The following CAMK2G variants were observed in gnomAD, a reference collection of about 807,000 sequenced individuals.
CAMK2G encodes the protein calcium/calmodulin dependent protein kinase II gamma, also known as calcium/calmodulin-dependent protein kinase type II subunit gamma.
Under a neutral mutation model 88.7 loss-of-function variants are expected in CAMK2G, and 23 were observed. That is an observed-to-expected ratio of 0.26 (90% CI 0.19 to 0.37). CAMK2G has a LOEUF of 0.37. Ranked by LOEUF, CAMK2G falls within the 10% of genes least tolerant of loss-of-function variation. The pLI is 1.00. For missense variants in CAMK2G, 476 were observed against 780.8 expected, an observed-to-expected ratio of 0.61 and a Z score of 4.65; for synonymous variants, 263 against 294.8, an observed-to-expected ratio of 0.89 and a Z score of 1.11.
At chr10:73,869,562 GCAAC>G (rs1173806500) in intron 2 of CAMK2G, among the ~76,000 whole-genome samples, 1 of 152,166 alleles carries the variant, frequency 6.6e-6, no homozygotes, top group Non-Finnish European at 1.5e-5. Context: ...AAGCCAAAAG[GCAAC>G]CATGATTGGT....
At chr10:73,821,092 G>C (rs998694044) in intron 18 of CAMK2G, among the ~76,000 whole-genome samples, 3 of 151,980 alleles carry the variant, frequency 2.0e-5, no homozygotes, top group Non-Finnish European at 4.4e-5. Context: ...TTACAGGTGT[G>C]AGTCACCGCA....
Position 73,815,138 on chromosome 10 carries a change from G to A in CAMK2G, c.1644C>T (p.Ile548=), listed in dbSNP as rs750527569. Residue 548 remains isoleucine, a synonymous_variant, in exon 22 of 23, where the codon ATC becomes ATT. Coordinates refer to ENST00000423381, the MANE Select transcript of CAMK2G (RefSeq NM_001367534.1). ...CIAYIRLTQY[I]DGQGRPRTSQ... is the part of the protein sequence containing the mutation. ...TGGTGCGAGGCCGACCCTGCCCGTC[G>A]ATGTACTGGGTGAGGCGGATGTAGG... 23 of 1,614,092 alleles carry A rather than the reference G, an allele frequency of 1.4e-5. No homozygotes were observed. In the Admixed American group the frequency reaches 1.7e-4, roughly 12 times the overall value.
At chr10:73,829,299 T>TTTAC (rs1362013485) in intron 14 of CAMK2G, among the ~76,000 whole-genome samples, 1 of 150,878 alleles carries the variant, frequency 6.6e-6, no homozygotes, top group African/African-American at 2.4e-5. Context: ...TATTTATTTA[T>TTTAC]TTATTTATTT....
Position 73,837,455 on chromosome 10 carries a change from T to G in CAMK2G, c.1053+13A>C. The stretch of plus-strand genomic sequence containing the variant: ...GAAAGAGGCCAGTCTGTTCAGAGGC[T>G]GGAGACACTTACCTTGACACCGCCA... On this transcript the variant is annotated intron_variant, in intron 14 of 22. Coordinates refer to ENST00000423381, the MANE Select transcript of CAMK2G (RefSeq NM_001367534.1). The G allele has an allele frequency of 6.2e-7, 1 of 1,609,504 alleles. No individual in the cohort carries two copies. Among genetic ancestry groups the G allele is most frequent in the East Asian group, 2.2e-5 (1 of 44,850 alleles).
intron 12 of CAMK2G, among the ~76,000 whole-genome samples, chr10:73,840,365 G>C: frequency 6.6e-6 from 1 of 152,304 alleles, no homozygotes. Flanking sequence ...CCTATTGGAG[G>C]TCAACTCAAA....
intron 5 of CAMK2G, among the ~76,000 whole-genome samples, chr10:73,849,659 G>A (rs1323415829): frequency 1.3e-5 from 2 of 152,220 alleles, no homozygotes; most frequent in Non-Finnish European, 2.9e-5. Context: ...TGAGGAAGAA[G>A]AGAGCATCCA....
At chr10:73,858,668 C>T (rs1055694123) in intron 3 of CAMK2G, among the ~76,000 whole-genome samples, 1 of 152,230 alleles carries the variant, frequency 6.6e-6, no homozygotes, top group Non-Finnish European at 1.5e-5. Flanking sequence ...CACCTGGCCT[C>T]TGAGCAGACG....
intron 14 of CAMK2G, among the ~76,000 whole-genome samples, chr10:73,833,352 A>G (rs1331437825): frequency 2.0e-5 from 3 of 151,506 alleles, no homozygotes; most frequent in South Asian, 2.1e-4. Flanking sequence ...TTTAGGAAAA[A>G]CTCTCAGAAG....
At chr10:73,815,364 G>A (rs1006183996) in intron 21 of CAMK2G, 117 bp from the exon 22 acceptor site, 3 of 690,462 alleles carry the variant, frequency 4.3e-6, no homozygotes, top group African/African-American at 4.1e-5. Flanking sequence ...GAATCTCCAA[G>A]TACCGCCCCC....
intron 15 of CAMK2G, among the ~76,000 whole-genome samples, chr10:73,827,601 C>T (rs943411458): frequency 6.6e-6 from 1 of 152,194 alleles, no homozygotes; most frequent in Non-Finnish European, 1.5e-5. Context: ...GCAGAATAAA[C>T]CACTGGGCAC....
At chr10:73,843,540 C>A (rs1385673453) in intron 10 of CAMK2G, among the ~76,000 whole-genome samples, 1 of 152,136 alleles carries the variant, frequency 6.6e-6, no homozygotes, top group African/African-American at 2.4e-5. Flanking sequence ...CACGGGACTG[C>A]AGAGGGTAGG....
chr10:73,832,108 G>A (rs1399950142), intron 14 of CAMK2G, among the ~76,000 whole-genome samples: 1 of 151,592 alleles, frequency 6.6e-6, no homozygotes, highest in East Asian at 1.9e-4. Flanking sequence ...TAACAGTAGT[G>A]CACAATCTAG....
chr10:73,828,131 C>T lies in CAMK2G; in HGVS notation c.1054-10G>A. On this transcript the variant is annotated splice_polypyrimidine_tract_variant and intron_variant, in intron 14 of 22. Coordinates refer to ENST00000423381, the MANE Select transcript of CAMK2G (RefSeq NM_001367534.1). ...AACTCGACTTCCTTTTCTGGACACA[C>T]CACAGCAAGAGGGAAAGAGAAGGGG... The T allele has an allele frequency of 6.2e-7, 1 of 1,611,428 alleles. No homozygotes were observed. The highest frequency in any genetic ancestry group is 8.5e-7 in the Non-Finnish European group (1 of 1,177,608).
chr10:73,818,916 T>C (rs1293905861), intron 19 of CAMK2G: 1 of 438,466 alleles, frequency 2.3e-6, no homozygotes, highest in Admixed American at 2.4e-5. Context: ...GAGGATGAGC[T>C]ACTGATAACC....
At chr10:73,835,880 G>C (rs2093147656) in intron 14 of CAMK2G, among the ~76,000 whole-genome samples, 1 of 152,040 alleles carries the variant, frequency 6.6e-6, no homozygotes, top group Non-Finnish European at 1.5e-5. Flanking sequence ...TGTCGCCCAG[G>C]CTGGAGTGCA....
chr10:73,838,861 G>T (rs2093499300), intron 13 of CAMK2G, among the ~76,000 whole-genome samples: 1 of 152,166 alleles, frequency 6.6e-6, no homozygotes, highest in Non-Finnish European at 1.5e-5. Flanking sequence ...TTATTGTCTG[G>T]GGTGGGGTCC....
chr10:73,865,035 T>C lies in CAMK2G; in HGVS notation c.161-4146A>G, dbSNP rs190082904. On this transcript the variant is annotated intron_variant, in intron 2 of 22. Transcript: ENST00000423381. Reference sequence around the variant, plus strand: ...AGAGTTTTGCATAAGGTCTGGCATATAGCTCCTTTCCAAGGGCCCAGTGAG... The same window carrying C: ...AGAGTTTTGCATAAGGTCTGGCATACAGCTCCTTTCCAAGGGCCCAGTGAG... 3.2e-3 allele frequency among the ~76,000 whole-genome samples: 482 copies of C among 152,338 alleles called. 2 individuals carry two copies. Among genetic ancestry groups the C allele is most frequent in the South Asian group, 0.014 (68 of 4,826 alleles).
intron 2 of CAMK2G, among the ~76,000 whole-genome samples, chr10:73,864,946 G>C (rs140904417): frequency 2.6e-5 from 4 of 152,316 alleles, no homozygotes; most frequent in Non-Finnish European, 5.9e-5. Context: ...ACCCGGCCAA[G>C]AGGTTCCTCA....
intron 2 of CAMK2G, among the ~76,000 whole-genome samples, chr10:73,870,173 T>A (rs1408248382): frequency 6.6e-6 from 1 of 152,142 alleles, no homozygotes; most frequent in East Asian, 1.9e-4. Flanking sequence ...AATAACGACT[T>A]ATCATTGCCA....
Sources: gnomAD v4.1 joint callset for allele counts (sites outside exome capture counted in the v4.1 genomes callset) on GRCh38, gnomAD v4.1.1 for gene constraint, MANE v1.5 for transcripts, NCBI Gene and HGNC (gene_info 2026-07-23, HGNC 2026-07-21) for gene names.